Variants in RANBP17 observed in about 807,000 individuals in gnomAD.
The protein encoded by RANBP17 is ran-binding protein 17.
Under a neutral mutation model 141.2 loss-of-function variants are expected in RANBP17, and 158 were observed. The observed-to-expected ratio is 1.12, with a 90% CI of 0.98 to 1.28. The LOEUF is 1.28. Among genes scored for constraint, RANBP17 ranks in the 50% most tolerant of loss-of-function variants. RANBP17 has a pLI of 0.00. For synonymous variants in RANBP17, 430 were observed against 450.0 expected (o/e 0.96, Z 0.56); for missense variants, 1,438 against 1,290.7 (o/e 1.11, Z -1.75).
At position 170,910,956 on chromosome 5, in the gene RANBP17, G is replaced by T. The variant is rs746981873; in HGVS notation, c.595-13G>T. 3.1e-6 allele frequency: 5 copies of T among 1,606,884 alleles called. No homozygotes were observed. Among genetic ancestry groups the T allele is most frequent in the Non-Finnish European group, 4.2e-6 (5 of 1,176,484 alleles). ...ATTTCGCAGTGTTTTCTTTGATTTT[G>T]TACTTTTTTCAGGTGTTTGCCAAAC... On this transcript the variant is annotated splice_polypyrimidine_tract_variant and intron_variant, in intron 6 of 27. Transcript: ENST00000523189.
chr5:170,894,500 A>ATATATATATATG (rs1184516659), intron 4 of RANBP17, among the ~76,000 whole-genome samples: 1 of 147,360 alleles, frequency 6.8e-6, no homozygotes, highest in Non-Finnish European at 1.5e-5. Flanking sequence ...ATATATATAT[A>ATATATATATATG]TATATATGGC....
At chr5:171,194,085 A>C (rs1761822343) in intron 18 of RANBP17, among the ~76,000 whole-genome samples, 1 of 151,882 alleles carries the variant, frequency 6.6e-6, no homozygotes, top group Non-Finnish European at 1.5e-5. Flanking sequence ...ACTTCCCCCA[A>C]CTCCCCAGTA....
At chr5:171,246,449 G>A (rs1157661377) in intron 24 of RANBP17, among the ~76,000 whole-genome samples, 1 of 152,188 alleles carries the variant, frequency 6.6e-6, no homozygotes. Flanking sequence ...CTGGTTTAAT[G>A]ATCCTGTACT....
At chr5:171,274,688 G>A (rs1767382908) in intron 25 of RANBP17, among the ~76,000 whole-genome samples, 1 of 152,046 alleles carries the variant, frequency 6.6e-6, no homozygotes, top group African/African-American at 2.4e-5. Context: ...ACCTACCAGA[G>A]CCTGACACTT....
Position 170,920,086 on chromosome 5 carries a change from G to T in RANBP17, c.1274+473G>T, listed in dbSNP as rs530801260. 3.9e-5 allele frequency among the ~76,000 whole-genome samples: 6 copies of T among 152,046 alleles called. No homozygotes were observed. The South Asian group carries it at 1.2e-3, about 32-fold the overall frequency. ...GTTGCTGGACTTTTGAGTTGTTTAT[G>T]TTTTTGGCCATTGTAAATAAAACTG... is the stretch of plus-strand genomic sequence containing the variant. On this transcript the variant is annotated intron_variant, in intron 11 of 27. Coordinates refer to ENST00000523189, the MANE Select transcript of RANBP17 (RefSeq NM_022897.5).
intron 14 of RANBP17, among the ~76,000 whole-genome samples, chr5:171,028,175 TG>T (rs1281903223): frequency 6.6e-6 from 1 of 152,010 alleles, no homozygotes; most frequent in African/African-American, 2.4e-5. Flanking sequence ...ATAGTGTTGA[TG>T]GGGGGTGGAA....
At chr5:171,193,021 A>G (rs1040590915) in intron 18 of RANBP17, among the ~76,000 whole-genome samples, 4 of 152,378 alleles carry the variant, frequency 2.6e-5, no homozygotes, top group African/African-American at 9.6e-5. Context: ...ATTGGGAAAT[A>G]GCAGATGATC....
Position 171,027,533 on chromosome 5 carries a change from C to T in RANBP17, c.1710+59156C>T, listed in dbSNP as rs183848969. On this transcript the variant is annotated intron_variant, in intron 14 of 27. Transcript: ENST00000523189. ...CAACGTGCCTTCATAAGAAACTCATCGATTTGTATATTTAAAAAGAGGCTG... is the reference window on the plus strand; with the variant it reads ...CAACGTGCCTTCATAAGAAACTCATTGATTTGTATATTTAAAAAGAGGCTG... 1.7e-3 allele frequency among the ~76,000 whole-genome samples: 252 copies of T among 151,830 alleles called. 1 individual carries two copies. Among genetic ancestry groups the T allele is most frequent in the Middle Eastern group, 3.4e-3 (1 of 294 alleles).
At chr5:171,148,613 T>TAGAG (rs1303289472) in intron 14 of RANBP17, among the ~76,000 whole-genome samples, 3 of 150,220 alleles carry the variant, frequency 2.0e-5, no homozygotes, top group African/African-American at 4.9e-5. Context: ...TATATATATA[T>TAGAG]ATAGAGAGAG....
chr5:170,944,826 A>G (rs575905007), intron 12 of RANBP17, among the ~76,000 whole-genome samples: 3 of 152,358 alleles, frequency 2.0e-5, no homozygotes, highest in Non-Finnish European at 4.4e-5. Flanking sequence ...TTGATCTAAT[A>G]AGTTTAATTC....
intron 14 of RANBP17, among the ~76,000 whole-genome samples, chr5:171,088,716 T>A (rs1785917927): frequency 6.6e-6 from 1 of 152,140 alleles, no homozygotes; most frequent in South Asian, 2.1e-4. Flanking sequence ...GTTCATTTCA[T>A]CTTCCATCAC....
chr5:170,884,448 T>A (rs1359417153), intron 3 of RANBP17, among the ~76,000 whole-genome samples: 1 of 152,182 alleles, frequency 6.6e-6, no homozygotes, highest in Non-Finnish European at 1.5e-5. Context: ...GAAAAGAATA[T>A]TATTTGGAAA....
chr5:170,990,910 A>T (rs926898027), intron 14 of RANBP17, among the ~76,000 whole-genome samples: 2 of 151,930 alleles, frequency 1.3e-5, no homozygotes, highest in African/African-American at 2.4e-5. Flanking sequence ...CATTAAAGGC[A>T]TTGTCGGGGT....
At chr5:171,211,977 C>A (rs1053917917) in intron 20 of RANBP17, among the ~76,000 whole-genome samples, 4 of 152,110 alleles carry the variant, frequency 2.6e-5, no homozygotes, top group Admixed American at 1.3e-4. Flanking sequence ...TATTTTGTGT[C>A]AGGCCATGCA....
chr5:170,925,607 A>G (rs149127449), intron 12 of RANBP17, among the ~76,000 whole-genome samples: 3 of 152,176 alleles, frequency 2.0e-5, no homozygotes, highest in African/African-American at 7.2e-5. Flanking sequence ...TCGTTTGCCA[A>G]TACCTTTGCA....
chr5:171,043,064 T>C lies in RANBP17; in HGVS notation c.1710+74687T>C, dbSNP rs549960233. ...ACTACTTTCCTGTACTTAAACAGTT[T>C]ATACTGTGCAAATATTGACCTGTAT... On this transcript the variant is annotated intron_variant, in intron 14 of 27. Coordinates refer to ENST00000523189, the MANE Select transcript of RANBP17 (RefSeq NM_022897.5). 6.6e-5 allele frequency among the ~76,000 whole-genome samples: 10 copies of C among 152,304 alleles called. No homozygotes were observed. The South Asian group carries it at 2.1e-3, about 32-fold the overall frequency.
At chr5:171,238,733 G>A (rs1764692976) in intron 22 of RANBP17, among the ~76,000 whole-genome samples, 1 of 151,966 alleles carries the variant, frequency 6.6e-6, no homozygotes, top group Non-Finnish European at 1.5e-5. Context: ...CTTTTCTGAA[G>A]TACCTGGCTT....
chr5:171,112,369 A>C (rs1366962252), intron 14 of RANBP17, among the ~76,000 whole-genome samples: 1 of 152,078 alleles, frequency 6.6e-6, no homozygotes, highest in African/African-American at 2.4e-5. Flanking sequence ...TTCCTTGAAA[A>C]TTTTATATCT....
intron 14 of RANBP17, among the ~76,000 whole-genome samples, chr5:171,021,238 A>G (rs1222050281): frequency 6.6e-6 from 1 of 152,034 alleles, no homozygotes; most frequent in Non-Finnish European, 1.5e-5. Context: ...AGGATGTGAC[A>G]ATTATGTGTC....
Sources: allele counts gnomAD v4.1 joint callset (sites outside exome capture counted in the v4.1 genomes callset), GRCh38; gene constraint gnomAD v4.1.1; transcripts MANE v1.5; gene names NCBI Gene and HGNC (gene_info 2026-07-23, HGNC 2026-07-21).